The following AKAP6 variants were observed in gnomAD, a reference collection of about 807,000 sequenced individuals.
AKAP6 encodes the protein A-kinase anchor protein 6.
Under a neutral mutation model 188.5 loss-of-function variants are expected in AKAP6, and 58 were observed. That is an observed-to-expected ratio of 0.31 (90% CI 0.25 to 0.38). AKAP6 has a LOEUF of 0.38. Among genes scored for constraint, AKAP6 ranks in the 10% least tolerant of loss-of-function variants. The pLI is 1.00. For synonymous variants in AKAP6, 989 were observed against 998.6 expected, an observed-to-expected ratio of 0.99 and a Z score of 0.18; for missense variants, 2,710 against 2,740.0, an observed-to-expected ratio of 0.99 and a Z score of 0.24.
At chr14:32,726,349 A>C (rs2030874241) in intron 9 of AKAP6, 1 of 316,302 alleles carries the variant, frequency 3.2e-6, no homozygotes, top group African/African-American at 2.3e-5. Flanking sequence ...GAAACTAATT[A>C]AAGACAGGTC....
intron 1 of AKAP6, among the ~76,000 whole-genome samples, chr14:32,336,235 T>C (rs1003680301): frequency 6.6e-6 from 1 of 152,086 alleles, no homozygotes; most frequent in African/African-American, 2.4e-5. Flanking sequence ...TTTTTTACTG[T>C]GTGAGTAAAC....
chr14:32,713,439 A>G (rs555002751), intron 9 of AKAP6, among the ~76,000 whole-genome samples: 1 of 144,988 alleles, frequency 6.9e-6, no homozygotes, highest in Admixed American at 7.3e-5. Flanking sequence ...TCTCCTCTCT[A>G]GCCATGAAAG....
At chr14:32,685,048 G>C (rs1171569403) in intron 8 of AKAP6, among the ~76,000 whole-genome samples, 1 of 151,728 alleles carries the variant, frequency 6.6e-6, no homozygotes, top group African/African-American at 2.4e-5. Context: ...TTGAGCCCAG[G>C]AGTTCAAGAC....
intron 2 of AKAP6, among the ~76,000 whole-genome samples, chr14:32,479,129 C>T (rs761343333): frequency 2.6e-5 from 4 of 152,120 alleles, no homozygotes; most frequent in Admixed American, 6.6e-5. Flanking sequence ...GTATTATATA[C>T]AATTGCTTTT....
At chr14:32,772,458 C>CA (rs1358318007) in intron 11 of AKAP6, among the ~76,000 whole-genome samples, 1 of 152,026 alleles carries the variant, frequency 6.6e-6, no homozygotes, top group East Asian at 1.9e-4. Context: ...ATTTAAAATT[C>CA]AGAAATATTA....
rs149360556 is a variant in AKAP6, at chr14:32,566,701, T to G, written c.2347-10419T>G. On this transcript the variant is annotated intron_variant, in intron 4 of 13. Coordinates refer to ENST00000280979, the MANE Select transcript of AKAP6 (RefSeq NM_004274.5). Reference sequence around the variant, plus strand: ...CCTTACTTCAGCTGGCCTAGTGCTATCCAATAGTGTACTCAATTTGCTAAG... The same window carrying G: ...CCTTACTTCAGCTGGCCTAGTGCTAGCCAATAGTGTACTCAATTTGCTAAG... 3.2e-3 allele frequency among the ~76,000 whole-genome samples: 487 copies of G among 152,316 alleles called. 3 individuals carry two copies. Among genetic ancestry groups the G allele is most frequent in the African/African-American group, 0.011 (461 of 41,580 alleles).
At position 32,545,662 on chromosome 14, in the gene AKAP6, G is replaced by A; in HGVS notation, c.1009G>A (p.Ala337Thr). Residue 337 changes from alanine to threonine, a missense_variant, in exon 4 of 14, where the codon GCT becomes ACT. Physicochemically the swap from Ala to Thr is moderately conservative, Grantham distance 58 (BLOSUM62 0). Coordinates refer to ENST00000280979, the MANE Select transcript of AKAP6 (RefSeq NM_004274.5). Reference sequence around the variant, plus strand: ...TTCAGGAGAAGCTCTGACAAATGCTGCTCAACCCTCCTCTGAGACTGTGCA... The same window carrying A: ...TTCAGGAGAAGCTCTGACAAATGCTACTCAACCCTCCTCTGAGACTGTGCA... ...SSSGEALTNA[A>T]QPSSETVQQE... The A allele has an allele frequency of 1.2e-6, 2 of 1,614,140 alleles. No homozygotes were observed. The highest frequency in any genetic ancestry group is 1.6e-4 in the Middle Eastern group (1 of 6,062).
chr14:32,671,718 C>G (rs1444084908), intron 7 of AKAP6, among the ~76,000 whole-genome samples: 3 of 151,854 alleles, frequency 2.0e-5, no homozygotes, highest in Non-Finnish European at 2.9e-5. Context: ...GACGTGCACC[C>G]AGATGCAGAT....
chr14:32,562,335 TG>T (rs1230335322), intron 4 of AKAP6, among the ~76,000 whole-genome samples: 1 of 152,164 alleles, frequency 6.6e-6, no homozygotes, highest in Non-Finnish European at 1.5e-5. Context: ...GAGTCATAAT[TG>T]GAGATCTAAT....
chr14:32,698,620 G>C (rs951768316), intron 9 of AKAP6, among the ~76,000 whole-genome samples: 1 of 151,876 alleles, frequency 6.6e-6, no homozygotes, highest in African/African-American at 2.4e-5. Flanking sequence ...ACAACTCAAC[G>C]AGACCTCCCA....
At chr14:32,522,238 G>T (rs1008318789) in intron 2 of AKAP6, among the ~76,000 whole-genome samples, 8 of 152,130 alleles carry the variant, frequency 5.3e-5, no homozygotes, top group African/African-American at 1.9e-4. Flanking sequence ...AAAAACCCTA[G>T]AAGAAAACCT....
At chr14:32,679,484 TGACAAGAGGAAAGAGGCCTTTTCATGCA>T (rs1210238143) in intron 8 of AKAP6, among the ~76,000 whole-genome samples, 7 of 152,186 alleles carry the variant, frequency 4.6e-5, no homozygotes, top group Admixed American at 1.3e-4. Context: ...TTTCTTAAAG[TGACAAGAGGAAAGAGGCCTTTTCATGCA>T]CTGGTTTGCA....
intron 4 of AKAP6, among the ~76,000 whole-genome samples, chr14:32,552,185 T>C (rs529667240): frequency 6.6e-6 from 1 of 152,328 alleles, no homozygotes; most frequent in East Asian, 1.9e-4. Context: ...AAACTGAGTT[T>C]AGAAAGATGA....
chr14:32,399,125 A>C (rs1566482967), intron 1 of AKAP6, among the ~76,000 whole-genome samples: 1 of 152,080 alleles, frequency 6.6e-6, no homozygotes, highest in Admixed American at 6.6e-5. Context: ...AAGTGCTAGG[A>C]TTACAGGCGT....
At chr14:32,573,132 G>C (rs1303199491) in intron 4 of AKAP6, among the ~76,000 whole-genome samples, 1 of 152,180 alleles carries the variant, frequency 6.6e-6, no homozygotes, top group Admixed American at 6.6e-5. Flanking sequence ...AGAAGCAGCA[G>C]AAAGGGACAA....
At chr14:32,401,143 G>A (rs1889079131) in intron 1 of AKAP6, among the ~76,000 whole-genome samples, 1 of 152,180 alleles carries the variant, frequency 6.6e-6, no homozygotes, top group Non-Finnish European at 1.5e-5. Context: ...CTAATCTAGG[G>A]TATAGGGGCA....
chr14:32,806,799 T>G (rs1287863025), intron 12 of AKAP6, among the ~76,000 whole-genome samples: 1 of 152,240 alleles, frequency 6.6e-6, no homozygotes. Context: ...GAGATCTGGG[T>G]TAGCAGAGAA....
At position 32,822,360 on chromosome 14, in the gene AKAP6, C is replaced by T. The variant is rs2034549518; in HGVS notation, c.4547C>T (p.Thr1516Ile). 1.9e-6 allele frequency: 3 copies of T among 1,613,820 alleles called. No homozygotes were observed. Among genetic ancestry groups the T allele is most frequent in the Non-Finnish European group, 2.5e-6 (3 of 1,179,934 alleles). Residue 1516 changes from threonine to isoleucine, a missense_variant, in exon 13 of 14, where the codon ACA becomes ATA. Physicochemically the swap from Thr to Ile is moderately conservative, Grantham distance 89. This residue lies in a region of AKAP6 where 2,473 missense variants were observed against 2,426.1 expected (regional missense o/e 1.02). Transcript: ENST00000280979. The part of the protein sequence containing the change: ...KKSCKSKHQT[T>I]ELQPDVPPHE... ...TCATGCAAATCTAAACATCAGACTACAGAGTTACAACCAGATGTACCTCCC... is the reference window on the plus strand; with the variant it reads ...TCATGCAAATCTAAACATCAGACTATAGAGTTACAACCAGATGTACCTCCC...
At position 32,824,252 on chromosome 14, in the gene AKAP6, G is replaced by A. The variant is rs1323728411; in HGVS notation, c.6439G>A (p.Asp2147Asn). 4 of 1,613,844 alleles carry A rather than the reference G, an allele frequency of 2.5e-6. No individual in the cohort carries two copies. The East Asian group carries it at 8.9e-5, about 36-fold the overall frequency. The change falls in exon 13 of 14, where the codon GAT becomes AAT. Residue 2147 changes from aspartate (D) to asparagine (N), a missense_variant. Asp to Asn is a conservative substitution (Grantham distance 23). Coordinates refer to ENST00000280979, the MANE Select transcript of AKAP6 (RefSeq NM_004274.5). ...ACTAGACACCACTGACTCGGGCTTA[G>A]ATGACAAGGAAGATATTGAATGCTT... Reference protein sequence around the residue: ...LPLDTTDSGLDDKEDIECFFE... With the variant: ...LPLDTTDSGLNDKEDIECFFE...
Sources: gnomAD v4.1 joint callset for allele counts (sites outside exome capture counted in the v4.1 genomes callset) on GRCh38, gnomAD v4.1.1 for gene constraint, gnomAD v4.1.1 regional missense constraint, MANE v1.5 for transcripts, NCBI Gene and HGNC (gene_info 2026-07-23, HGNC 2026-07-21) for gene names.